SYN3: variants seen among roughly 807,000 people sequenced by gnomAD.
SYN3 encodes the protein synapsin-3.
A neutral mutation model predicts 65.8 loss-of-function variants in SYN3; 35 were observed. The observed-to-expected ratio is 0.53, with a 90% CI of 0.41 to 0.70. The LOEUF (loss-of-function observed/expected upper bound fraction) is 0.70. SYN3 is among the 30% of genes least tolerant of loss of function. SYN3 has a pLI of 0.00. For synonymous variants in SYN3, 270 were observed against 292.9 expected (o/e 0.92, Z 0.80); for missense variants, 680 against 749.0 (o/e 0.91, Z 1.08).
chr22:32,789,170 C>A (rs1311865525), intron 6 of SYN3, among the ~76,000 whole-genome samples: 1 of 152,194 alleles, frequency 6.6e-6, no homozygotes, highest in South Asian at 2.1e-4. Flanking sequence ...TACAAAGGAG[C>A]AATAGACAAA....
At chr22:32,616,551 C>A (rs1396475845) in intron 6 of SYN3, among the ~76,000 whole-genome samples, 1 of 152,084 alleles carries the variant, frequency 6.6e-6, no homozygotes, top group Non-Finnish European at 1.5e-5. Flanking sequence ...ATCCCTAGTT[C>A]ACAAACAAGA....
At chr22:32,656,713 G>GT (rs1265741591) in intron 6 of SYN3, among the ~76,000 whole-genome samples, 1 of 151,984 alleles carries the variant, frequency 6.6e-6, no homozygotes, top group African/African-American at 2.4e-5. Flanking sequence ...TTGTTGTTTT[G>GT]TTTTTTTGTT....
rs138445943 is a variant in SYN3, at chr22:32,628,712, C to T, written c.712-31976G>A. 3.5e-3 allele frequency among the ~76,000 whole-genome samples: 529 copies of T among 152,014 alleles called. 3 individuals are homozygous for T. Among genetic ancestry groups the T allele is most frequent in the African/African-American group, 0.012 (480 of 41,438 alleles). ...GCAGTGAGCTGAGATCATGCCATCG[C>T]ACTCCAGCCTGGGGCACAAGAGCGA... On this transcript the variant is annotated intron_variant, in intron 6 of 13. Transcript: ENST00000358763.
At chr22:32,933,035 T>G (rs2050676256) in intron 3 of SYN3, among the ~76,000 whole-genome samples, 1 of 152,192 alleles carries the variant, frequency 6.6e-6, no homozygotes, top group South Asian at 2.1e-4. Flanking sequence ...AGCCTCACTT[T>G]AACTTGATTA....
At chr22:33,032,245 C>G (rs1387920565) in intron 1 of SYN3, among the ~76,000 whole-genome samples, 2 of 149,960 alleles carry the variant, frequency 1.3e-5, no homozygotes, top group African/African-American at 4.9e-5. Flanking sequence ...TGGTGGCTCA[C>G]ACCTGTAATC....
chr22:32,700,493 T>C (rs1388397487), intron 6 of SYN3, among the ~76,000 whole-genome samples: 2 of 151,840 alleles, frequency 1.3e-5, no homozygotes, highest in African/African-American at 4.8e-5. Flanking sequence ...ACAAGAACAA[T>C]GAAATTTAAG....
chr22:32,599,414 C>T (rs1041481855), intron 6 of SYN3, among the ~76,000 whole-genome samples: 2 of 151,854 alleles, frequency 1.3e-5, no homozygotes, highest in East Asian at 1.9e-4. Flanking sequence ...CTCCGCCTCC[C>T]GGGTTCACAC....
At chr22:32,793,194 A>G (rs1217179058) in intron 6 of SYN3, among the ~76,000 whole-genome samples, 1 of 152,166 alleles carries the variant, frequency 6.6e-6, no homozygotes, top group Non-Finnish European at 1.5e-5. Flanking sequence ...ATGATTATTT[A>G]TTGATTATCT....
chr22:32,603,497 G>A (rs548271018), intron 6 of SYN3, among the ~76,000 whole-genome samples: 1 of 149,900 alleles, frequency 6.7e-6, no homozygotes, highest in Admixed American at 6.6e-5. Context: ...TCCAGCCTGG[G>A]CGACAGAGCG....
rs1175780550 is a variant in SYN3 at position 32,512,135 on chromosome 22, G to T, written c.*1557C>A. Among the ~76,000 whole-genome samples, 2 of 152,194 alleles carry T rather than the reference G, an allele frequency of 1.3e-5. No individual in the cohort carries two copies. The highest frequency in any genetic ancestry group is 4.8e-5 in the African/African-American group (2 of 41,436). On this transcript the variant is annotated 3_prime_UTR_variant, in exon 14 of 14. Transcript: ENST00000358763. ...TCACCACTCCAGTTTGGTTTTGAAG[G>T]ACCAAAAAGGAGATGATTGCTTTTA...
At chr22:32,654,215 C>T (rs879507443) in intron 6 of SYN3, among the ~76,000 whole-genome samples, 4 of 152,174 alleles carry the variant, frequency 2.6e-5, no homozygotes, top group Non-Finnish European at 5.9e-5. Flanking sequence ...TTTCCTCCAT[C>T]CCACCCTGAC....
intron 4 of SYN3, among the ~76,000 whole-genome samples, chr22:32,906,118 G>A (rs759715428): frequency 2.0e-5 from 3 of 152,174 alleles, no homozygotes; most frequent in African/African-American, 7.2e-5. Flanking sequence ...GAAGAAAAGC[G>A]GCAGGAAGTA....
chr22:32,964,920 T>C (rs2051780181), intron 3 of SYN3, among the ~76,000 whole-genome samples: 1 of 152,120 alleles, frequency 6.6e-6, no homozygotes, highest in Non-Finnish European at 1.5e-5. Flanking sequence ...CAAAGGCAGA[T>C]GGTAGTTTGA....
At chr22:32,624,866 G>A (rs1443478146) in intron 6 of SYN3, among the ~76,000 whole-genome samples, 1 of 152,170 alleles carries the variant, frequency 6.6e-6, no homozygotes, top group Non-Finnish European at 1.5e-5. Context: ...CCCGCTAATT[G>A]TACAAGGAGA....
At chr22:32,517,812 A>G (rs1393694923) in intron 13 of SYN3, among the ~76,000 whole-genome samples, 1 of 152,020 alleles carries the variant, frequency 6.6e-6, no homozygotes, top group Non-Finnish European at 1.5e-5. Context: ...ATAGCTGGTA[A>G]ATGGCTGGTA....
intron 6 of SYN3, among the ~76,000 whole-genome samples, chr22:32,654,608 A>G (rs889554649): frequency 2.0e-5 from 3 of 152,128 alleles, no homozygotes; most frequent in African/African-American, 4.8e-5. Context: ...GATCTCATTC[A>G]TGTCCATATC....
intron 6 of SYN3, among the ~76,000 whole-genome samples, chr22:32,782,162 G>A (rs567213016): frequency 1.4e-4 from 21 of 151,094 alleles, no homozygotes; most frequent in African/African-American, 4.4e-4. Flanking sequence ...TCTGCCTCCT[G>A]GTTTCAAGCG....
intron 6 of SYN3, among the ~76,000 whole-genome samples, chr22:32,778,278 T>G (rs757117089): frequency 6.9e-6 from 1 of 145,250 alleles, no homozygotes; most frequent in Non-Finnish European, 1.5e-5. Flanking sequence ...GAAAAGGTGT[T>G]CTGTGATGTA....
At chr22:32,589,759 T>C (rs758724591) in intron 7 of SYN3, among the ~76,000 whole-genome samples, 1 of 152,208 alleles carries the variant, frequency 6.6e-6, no homozygotes, top group Admixed American at 6.5e-5. Context: ...TTTCTGAAGA[T>C]GTTGTTGGTC....
Sources: allele counts gnomAD v4.1 joint callset (sites outside exome capture counted in the v4.1 genomes callset), GRCh38; gene constraint gnomAD v4.1.1; transcripts MANE v1.5; gene names NCBI Gene and HGNC (gene_info 2026-07-23, HGNC 2026-07-21).